The following APOB variants were observed in gnomAD, a reference collection of about 807,000 sequenced individuals.
APOB encodes apolipoprotein B, also known as apolipoprotein B-100.
In APOB, 153 loss-of-function variants were observed where a neutral mutation model predicts 314.1. The ratio of observed to expected loss-of-function variants is 0.49; its 90% CI spans 0.43 to 0.56. The LOEUF is 0.56. Among genes scored for constraint, APOB ranks in the 20% least tolerant of loss-of-function variants. The pLI, the probability that APOB is intolerant of heterozygous loss-of-function variation, is 0.00. For missense variants in APOB, 5,430 were observed against 5,350.7 expected (o/e 1.01, Z -0.46); for synonymous variants, 2,087 against 2,036.4 (o/e 1.02, Z -0.67).
In APOB at chr2:21,006,101, C is replaced by G. The variant is rs1376082954; in HGVS notation, c.10767G>C (p.Leu3589=). 1.2e-6 allele frequency: 2 copies of G among 1,613,962 alleles called. No individual in the cohort carries two copies. Among genetic ancestry groups the G allele is most frequent in the Non-Finnish European group, 1.7e-6 (2 of 1,179,944 alleles). ...TNGEHTSKAT[L]ELSPWQMSAL... ...CTGACATTTGCCATGGAGAGAGTTC[C>G]AGGGTGGCTTTGCTTGTATGTTCTC... Residue 3589 remains leucine (L), a synonymous_variant, in exon 26 of 29, where the codon CTG becomes CTC. Coordinates refer to ENST00000233242, the MANE Select transcript of APOB (RefSeq NM_000384.3).
Position 21,004,580 on chromosome 2 carries a change from C to T in APOB, c.11884G>A (p.Gly3962Ser), listed in dbSNP as rs1299907361. 1 of 1,613,650 alleles carries T rather than the reference C, an allele frequency of 6.2e-7. No homozygotes were observed. The highest frequency in any genetic ancestry group is 8.5e-7 in the Non-Finnish European group (1 of 1,179,778). The change falls in exon 27 of 29, where the codon GGC (glycine) becomes AGC (serine). Residue 3962 changes from glycine (G) to serine (S), a missense_variant. Around this residue, in one of 3 missense-constraint regions of APOB, gnomAD observed 3,281 missense variants for 3,171.0 expected, o/e 1.03. Coordinates refer to ENST00000233242, the MANE Select transcript of APOB (RefSeq NM_000384.3). ...RDFSAEYEED[G>S]KYEGLQEWEG... ...CCATACTGAAGTCCTTCATATTTGC[C>T]ATCTTCTTCATATTCTGCACTGAAG...
At chr2:21,033,191 C>T (rs1020751788) in intron 9 of APOB, 108 bp downstream of exon 9, 11 of 825,434 alleles carry the variant, frequency 1.3e-5, no homozygotes, top group Admixed American at 5.9e-5. Context: ...AATTGATTAA[C>T]TGGATTGATA....
chr2:21,002,102 AACTTG>A lies in APOB; in HGVS notation c.13315_13319del (p.Gln4439Ter), dbSNP rs1342941148. ...GAATATTTCTGTGCAGAAATTGCTC[AACTTG>A]ACTTGAGAGTTGGGAAGTAAAGTTA... is the stretch of plus-strand genomic sequence containing the variant. On this transcript the variant is annotated frameshift_variant, in exon 29 of 29. Coordinates refer to ENST00000233242, the MANE Select transcript of APOB (RefSeq NM_000384.3). LOFTEE classifies it low-confidence loss of function (END_TRUNC). 20 of 1,613,794 alleles carry A rather than the reference AACTTG, an allele frequency of 1.2e-5. No homozygotes were observed. The highest frequency in any genetic ancestry group is 2.2e-5 in the East Asian group (1 of 44,878).
At position 21,007,035 on chromosome 2, in the gene APOB, A is replaced by T; in HGVS notation, c.9833T>A (p.Val3278Asp). ...SAFGYVFPKA[V>D]SMPSFSILGS... ...TAGGATGGAGAAACTAGGCATGCTG[A>T]CTGCTTTTGGGAACACATAGCCGAA... The change falls in exon 26 of 29, where the codon GTC becomes GAC. Residue 3278 changes from valine (V) to aspartate (D), a missense_variant. Physicochemically the swap from Val to Asp is radical, Grantham distance 152. Coordinates refer to ENST00000233242, the MANE Select transcript of APOB (RefSeq NM_000384.3). 6.2e-7 allele frequency: 1 copy of T among 1,614,052 alleles called. No individual in the cohort carries two copies. Among genetic ancestry groups the T allele is most frequent in the Non-Finnish European group, 8.5e-7 (1 of 1,179,962 alleles).
In APOB at chr2:21,009,785, T is replaced by G; in HGVS notation, c.7083A>C (p.Leu2361Phe). 6.2e-7 allele frequency: 1 copy of G among 1,614,042 alleles called. No homozygotes were observed. The highest frequency in any genetic ancestry group is 8.5e-7 in the Non-Finnish European group (1 of 1,179,968). Reference protein sequence around the residue: ...DQQIQVLMDKLVELAHQYKLK... With the variant: ...DQQIQVLMDKFVELAHQYKLK... Reference sequence around the variant, plus strand: ...ACTTGTATTGGTGGGCCAACTCTACTAATTTATCCATTAAAACCTGGATTT... The same window carrying G: ...ACTTGTATTGGTGGGCCAACTCTACGAATTTATCCATTAAAACCTGGATTT... The change falls in exon 26 of 29, where the codon TTA becomes TTC. Residue 2361 changes from leucine (L) to phenylalanine (F), a missense_variant. By Grantham distance (22) the Leu-to-Phe change is conservative. Coordinates refer to ENST00000233242, the MANE Select transcript of APOB (RefSeq NM_000384.3).
chr2:21,027,862 G>C lies in APOB; in HGVS notation c.2033C>G (p.Thr678Ser), dbSNP rs773846941. The change falls in exon 14 of 29, where the codon ACT becomes AGT. Residue 678 changes from threonine to serine, a missense_variant. Around this residue, in one of 3 missense-constraint regions of APOB, gnomAD observed 2,085 missense variants for 2,079.7 expected, o/e 1.00. Transcript: ENST00000233242. Reference protein sequence around the residue: ...PKESMLKTTLTAFGFASADLI... With the variant: ...PKESMLKTTLSAFGFASADLI... Reference sequence around the variant, plus strand: ...GTCAGCTGAAGCAAATCCAAAGGCAGTGAGGGTAGTTTTCAGCATGCTTTC... The same window carrying C: ...GTCAGCTGAAGCAAATCCAAAGGCACTGAGGGTAGTTTTCAGCATGCTTTC... 6 of 1,614,090 alleles carry C rather than the reference G, an allele frequency of 3.7e-6. No individual in the cohort carries two copies.
intron 20 of APOB, among the ~76,000 whole-genome samples, chr2:21,017,460 T>C (rs1464339933): frequency 6.6e-6 from 1 of 152,148 alleles, no homozygotes; most frequent in East Asian, 1.9e-4. Context: ...TTCTCTCTGA[T>C]AAGGGCACAT....
In APOB at chr2:21,003,187, C is replaced by T; in HGVS notation, c.12235G>A (p.Gly4079Arg). 6.2e-7 allele frequency: 1 copy of T among 1,614,046 alleles called. No homozygotes were observed. Among genetic ancestry groups the T allele is most frequent in the Non-Finnish European group, 8.5e-7 (1 of 1,179,950 alleles). ...TTGTTGACATAATCATAAAGGACCC[C>T]TGTGGCCTTGGGCACGTTGTCTTTC... is the stretch of plus-strand genomic sequence containing the variant. ...SLKDNVPKAT[G>R]VLYDYVNKYH... The change falls in exon 29 of 29, where the codon GGG (glycine) becomes AGG (arginine). Residue 4079 changes from glycine (G) to arginine (R), a missense_variant. By Grantham distance (125) the Gly-to-Arg change is moderately radical. Coordinates refer to ENST00000233242, the MANE Select transcript of APOB (RefSeq NM_000384.3).
In APOB at chr2:21,017,567, T is replaced by C. The variant is rs575492393; in HGVS notation, c.3122-918A>G. ...GGTCAGGAATGCAAAGGCCCTGAAATGGGGAGCACTTAGCTTGTTTGTGGA... is the reference window on the plus strand; with the variant it reads ...GGTCAGGAATGCAAAGGCCCTGAAACGGGGAGCACTTAGCTTGTTTGTGGA... On this transcript the variant is annotated intron_variant, in intron 20 of 28. Transcript: ENST00000233242. Among the ~76,000 whole-genome samples the C allele has an allele frequency of 5.9e-5, 9 of 152,192 alleles. No individual in the cohort carries two copies. In the East Asian group the frequency reaches 1.7e-3, roughly 30 times the overall value.
At chr2:21,043,453 G>A (rs1664182122) in intron 2 of APOB, 60 bp downstream of exon 2, 2 of 1,556,886 alleles carry the variant, frequency 1.3e-6, no homozygotes, top group Non-Finnish European at 1.7e-6. Flanking sequence ...TCAGGGACCC[G>A]GGTGTAGGAG....
intron 15 of APOB, 72 bp downstream of exon 15, chr2:21,026,714 CCA>C: frequency 8.0e-7 from 1 of 1,254,394 alleles, no homozygotes; most frequent in Admixed American, 1.7e-5. Flanking sequence ...TTGAGGACTT[CCA>C]TGCTTAGAAA....
chr2:21,026,748 C>T lies in APOB; in HGVS notation c.2244+40G>A, dbSNP rs1479119719. On this transcript the variant is annotated intron_variant, in intron 15 of 28. Coordinates refer to ENST00000233242, the MANE Select transcript of APOB (RefSeq NM_000384.3). ...GAAAAGAATTGTTTTTGCATTGAGA[C>T]CCAAAGCTTTCCTTAAGAAGATACT... 6 of 1,531,724 alleles carry T rather than the reference C, an allele frequency of 3.9e-6. No individual in the cohort carries two copies. In the East Asian group the frequency reaches 6.7e-5, roughly 17 times the overall value. 94.9% of individuals were successfully genotyped at this position (1,531,724 alleles called of 1,614,324 possible). A position where few individuals can be genotyped will look rare whatever the true frequency, so the allele number is the denominator to read the frequency against.
In APOB at chr2:21,006,452, G is replaced by A. The variant is rs558589282; in HGVS notation, c.10416C>T (p.Thr3472=). 1.4e-5 allele frequency: 23 copies of A among 1,614,050 alleles called. No individual in the cohort carries two copies. The highest frequency in any genetic ancestry group is 6.7e-5 in the East Asian group (3 of 44,874). ...YDFNSSMLYS[T]AKGAVDHKLS... is the part of the protein sequence containing the mutation. ...GCTTGTGGTCAACTGCTCCTTTAGC[G>A]GTAGAGTACAGCATTGAAGAATTGA... Residue 3472 remains threonine (T), a synonymous_variant, in exon 26 of 29, where the codon ACC becomes ACT. Coordinates refer to ENST00000233242, the MANE Select transcript of APOB (RefSeq NM_000384.3).
chr2:21,036,906 C>T (rs1389476947), intron 6 of APOB, among the ~76,000 whole-genome samples, 194 bp downstream of exon 6: 3 of 152,164 alleles, frequency 2.0e-5, no homozygotes, highest in Non-Finnish European at 4.4e-5. Context: ...TGACTCAAGC[C>T]TTGGCTCAAC....
intron 17 of APOB, 51 bp from the exon 18 acceptor site, chr2:21,023,093 T>G: frequency 6.5e-7 from 1 of 1,527,018 alleles, no homozygotes; most frequent in Non-Finnish European, 9.1e-7. Flanking sequence ...TTCAGTCCCC[T>G]GTCAGTCAGA....
chr2:21,040,788 TTGA>T (rs1664110657), intron 4 of APOB, 147 bp downstream of exon 4: 1 of 831,710 alleles, frequency 1.2e-6, no homozygotes, highest in South Asian at 1.7e-5. Flanking sequence ...TTCTCTCTTT[TTGA>T]TGATTGTGAA....
rs762466056 is a variant in APOB at position 21,001,710 on chromosome 2, T to C, written c.*20A>G. 3.1e-6 allele frequency: 5 copies of C among 1,611,088 alleles called. No individual in the cohort carries two copies. The South Asian group carries it at 3.3e-5, about 11-fold the overall frequency. ...AGTTCAATTGGAAAAGAAGAATAAA[T>C]GAAGATTTCTTTTAAAAAATTAGAG... On this transcript the variant is annotated 3_prime_UTR_variant, in exon 29 of 29. Transcript: ENST00000233242.
rs1463876614 is a variant in APOB at position 21,001,955 on chromosome 2, A to C, written c.13467T>G (p.Ser4489=). The change falls in exon 29 of 29, where the codon TCT becomes TCG. Residue 4489 remains serine, a synonymous_variant. Transcript: ENST00000233242. ...SQAIATKKII[S]DYHQQFRYKL... ...TATATCTAAACTGCTGGTGGTAATCAGAAATTATTTTCTTCGTCGCAATGG... is the reference window on the plus strand; with the variant it reads ...TATATCTAAACTGCTGGTGGTAATCCGAAATTATTTTCTTCGTCGCAATGG... The C allele has an allele frequency of 8.7e-6, 14 of 1,613,958 alleles. No homozygotes were observed. Among genetic ancestry groups the C allele is most frequent in the African/African-American group, 1.3e-5 (1 of 74,920 alleles).
chr2:21,028,356 G>A lies in APOB; in HGVS notation c.1800C>T (p.Ile600=), dbSNP rs138309196. Residue 600 remains isoleucine (I), a synonymous_variant, in exon 13 of 29, where the codon ATC becomes ATT. Transcript: ENST00000233242. Reference sequence around the variant, plus strand: ...GGATATCCAATTCTTCTGAGTTCAAGATATTGGCAATATGGGAAGCCACAA... The same window carrying A: ...GGATATCCAATTCTTCTGAGTTCAAAATATTGGCAATATGGGAAGCCACAA... ...KNFVASHIAN[I]LNSEELDIQD... The A allele has an allele frequency of 3.1e-6, 5 of 1,613,828 alleles. No individual in the cohort carries two copies. Among genetic ancestry groups the A allele is most frequent in the African/African-American group, 2.7e-5 (2 of 74,908 alleles).
Sources: allele counts gnomAD v4.1 joint callset (sites outside exome capture counted in the v4.1 genomes callset), GRCh38; gene constraint gnomAD v4.1.1; regional missense constraint gnomAD v4.1.1; transcripts MANE v1.5; gene names NCBI Gene and HGNC (gene_info 2026-07-23, HGNC 2026-07-21).